DLG2: variants seen among roughly 807,000 people sequenced by gnomAD.
DLG2 encodes the protein discs large MAGUK scaffold protein 2.
Under a neutral mutation model 132.5 loss-of-function variants are expected in DLG2, and 45 were observed. The observed-to-expected ratio is 0.34, with a 90% CI of 0.27 to 0.44. DLG2 has a LOEUF of 0.44. DLG2 is among the 20% of genes least tolerant of loss of function. DLG2 has a pLI of 1.00. For synonymous variants in DLG2, 424 were observed against 419.6 expected (o/e 1.01, Z -0.13); for missense variants, 1,045 against 1,196.9 (o/e 0.87, Z 1.87).
intron 6 of DLG2, among the ~76,000 whole-genome samples, chr11:84,922,226 A>G (rs2092789209): frequency 1.3e-5 from 2 of 152,178 alleles, no homozygotes; most frequent in South Asian, 2.1e-4. Flanking sequence ...CTGCTTCTTA[A>G]TTATTTTTTC....
intron 24 of DLG2, among the ~76,000 whole-genome samples, chr11:83,470,828 A>G (rs1406846616): frequency 1.3e-5 from 2 of 152,172 alleles, no homozygotes; most frequent in South Asian, 2.1e-4. Flanking sequence ...CTTAAAACAC[A>G]TAGAATGGAA....
At chr11:85,013,389 T>C (rs978892945) in intron 6 of DLG2, among the ~76,000 whole-genome samples, 2 of 152,092 alleles carry the variant, frequency 1.3e-5, no homozygotes, top group African/African-American at 4.8e-5. Flanking sequence ...GGTGGAAGAA[T>C]TGCATGGAGA....
chr11:84,528,532 T>C (rs1276182148), intron 7 of DLG2, among the ~76,000 whole-genome samples: 3 of 152,210 alleles, frequency 2.0e-5, no homozygotes, highest in Non-Finnish European at 4.4e-5. Flanking sequence ...ATTTAAACTG[T>C]TATCCAGCAA....
intron 3 of DLG2, among the ~76,000 whole-genome samples, chr11:85,387,986 G>A (rs1347986512): frequency 6.6e-6 from 1 of 152,202 alleles, no homozygotes; most frequent in Non-Finnish European, 1.5e-5. Flanking sequence ...CAGAATCCAT[G>A]GGACAGCTGA....
intron 6 of DLG2, among the ~76,000 whole-genome samples, chr11:84,891,998 T>A (rs1042343987): frequency 6.6e-6 from 1 of 152,214 alleles, no homozygotes; most frequent in Non-Finnish European, 1.5e-5. Context: ...TATATGGTAA[T>A]CTATTTAATT....
intron 6 of DLG2, among the ~76,000 whole-genome samples, chr11:84,613,295 A>G (rs754674731): frequency 4.6e-5 from 7 of 152,194 alleles, no homozygotes; most frequent in African/African-American, 1.7e-4. Context: ...TCATAACTAT[A>G]TTAGGAAAAG....
intron 3 of DLG2, among the ~76,000 whole-genome samples, chr11:85,373,562 T>C (rs1048039991): frequency 9.2e-5 from 14 of 152,078 alleles, no homozygotes; most frequent in Non-Finnish European, 1.8e-4. Flanking sequence ...GCCTGCCCAT[T>C]GGGGTGGAGC....
At chr11:85,021,340 T>G in intron 6 of DLG2, 1 of 1,278,042 alleles carries the variant, frequency 7.8e-7, no homozygotes, top group Admixed American at 1.7e-5. Flanking sequence ...AGAAGAGCCA[T>G]ACATCTGTGC....
At chr11:84,618,041 G>A (rs2099607512) in intron 6 of DLG2, among the ~76,000 whole-genome samples, 1 of 152,080 alleles carries the variant, frequency 6.6e-6, no homozygotes, top group Non-Finnish European at 1.5e-5. Context: ...AGTGATCTGT[G>A]CACTGAAACT....
intron 7 of DLG2, among the ~76,000 whole-genome samples, chr11:84,254,176 T>A (rs1444563292): frequency 6.6e-6 from 1 of 152,176 alleles, no homozygotes; most frequent in Non-Finnish European, 1.5e-5. Flanking sequence ...TATTTTCTAG[T>A]ATAGCTTTGA....
At chr11:85,163,150 T>G (rs1433249998) in intron 4 of DLG2, among the ~76,000 whole-genome samples, 1 of 152,050 alleles carries the variant, frequency 6.6e-6, no homozygotes, top group Non-Finnish European at 1.5e-5. Flanking sequence ...GACAACCTAT[T>G]GTGGGACCTT....
intron 7 of DLG2, among the ~76,000 whole-genome samples, chr11:84,279,659 G>T (rs543247863): frequency 6.6e-6 from 1 of 152,226 alleles, no homozygotes; most frequent in South Asian, 2.1e-4. Flanking sequence ...TCTTTTGCAG[G>T]GACATGGATG....
chr11:83,467,800 TATATATATATAC>T (rs1357233251), intron 25 of DLG2, among the ~76,000 whole-genome samples: 3 of 105,336 alleles, frequency 2.8e-5, no homozygotes, highest in African/African-American at 8.3e-5. Flanking sequence ...TATATATATA[TATATATATATAC>T]ACACACACAT....
At chr11:84,856,717 G>A (rs1408732216) in intron 6 of DLG2, among the ~76,000 whole-genome samples, 1 of 151,874 alleles carries the variant, frequency 6.6e-6, no homozygotes, top group African/African-American at 2.4e-5. Flanking sequence ...CCCTTCAAAG[G>A]TTTCCTGCTC....
At chr11:83,529,131 C>T (rs2095676679) in intron 21 of DLG2, among the ~76,000 whole-genome samples, 1 of 152,108 alleles carries the variant, frequency 6.6e-6, no homozygotes, top group African/African-American at 2.4e-5. Flanking sequence ...AAAATGCCAG[C>T]TAATGATAAG....
At chr11:85,491,943 T>C (rs2093569393) in intron 3 of DLG2, among the ~76,000 whole-genome samples, 1 of 149,212 alleles carries the variant, frequency 6.7e-6, no homozygotes, top group Non-Finnish European at 1.5e-5. Context: ...AAACCAATAT[T>C]AAGCAAGATG....
intron 3 of DLG2, among the ~76,000 whole-genome samples, chr11:85,353,240 C>T (rs2083435315): frequency 6.6e-6 from 1 of 152,146 alleles, no homozygotes; most frequent in African/African-American, 2.4e-5. Flanking sequence ...TGAAAAAATG[C>T]TCATCATTAC....
chr11:83,970,216 G>A (rs2091050955), intron 12 of DLG2, among the ~76,000 whole-genome samples: 1 of 152,170 alleles, frequency 6.6e-6, no homozygotes, highest in Admixed American at 6.6e-5. Context: ...GAGAAATGTG[G>A]TCAGTGCTTA....
intron 6 of DLG2, chr11:84,923,028 C>T (rs1190111020): frequency 1.9e-6 from 3 of 1,611,366 alleles, no homozygotes; most frequent in Non-Finnish European, 2.5e-6. Flanking sequence ...TTTTCTGCAG[C>T]TGGTTTAACA....
Sources: allele counts gnomAD v4.1 joint callset (sites outside exome capture counted in the v4.1 genomes callset), GRCh38; gene constraint gnomAD v4.1.1; transcripts MANE v1.5; gene names NCBI Gene and HGNC (gene_info 2026-07-23, HGNC 2026-07-21).